Variants in GRM8 observed in about 807,000 individuals in gnomAD.
GRM8 encodes glutamate metabotropic receptor 8, also known as metabotropic glutamate receptor 8.
Under a neutral mutation model 87.2 loss-of-function variants are expected in GRM8, and 47 were observed. The observed-to-expected ratio is 0.54, with a 90% confidence interval of 0.43 to 0.69. The LOEUF (loss-of-function observed/expected upper bound fraction) is 0.69. GRM8 is among the 30% of genes least tolerant of loss of function. The pLI, the probability that GRM8 is intolerant of heterozygous loss-of-function variation, is 0.00. For missense variants in GRM8, 1,019 were observed against 1,139.2 expected, an observed-to-expected ratio of 0.89 and a Z score of 1.52; for synonymous variants, 396 against 404.5, an observed-to-expected ratio of 0.98 and a Z score of 0.25.
intron 9 of GRM8, among the ~76,000 whole-genome samples, chr7:126,449,423 C>T (rs1802377501): frequency 1.3e-5 from 2 of 151,824 alleles, no homozygotes; most frequent in Non-Finnish European, 2.9e-5. Context: ...CTTACAGATA[C>T]AAGATAGCTC....
chr7:126,915,100 A>G (rs1448948773), intron 3 of GRM8, among the ~76,000 whole-genome samples: 5 of 152,012 alleles, frequency 3.3e-5, no homozygotes, highest in African/African-American at 4.8e-5. Flanking sequence ...CTCAGCCACA[A>G]CTCACCACCG....
chr7:126,952,845 G>C (rs995514719), intron 3 of GRM8, among the ~76,000 whole-genome samples: 4 of 152,016 alleles, frequency 2.6e-5, no homozygotes, highest in African/African-American at 9.7e-5. Flanking sequence ...GGAGACTAAG[G>C]AGAAATAACA....
At position 127,072,634 on chromosome 7, in the gene GRM8, C is replaced by CT. The variant is rs34143758; in HGVS notation, c.727+33861dup. 8.9e-3 allele frequency among the ~76,000 whole-genome samples: 1,286 copies of CT among 144,122 alleles called. 9 individuals are homozygous for CT. The highest frequency in any genetic ancestry group is 0.018 in the African/African-American group (726 of 39,992). The allele number at this position is 144,122 out of a possible 152,430, so 94.5% of individuals were successfully genotyped here. ...CTAAATGCTGAACCCTCATATTATA[C>CT]TTTTTTTTTTTTTGCAGCATCTGGC... On this transcript the variant is annotated intron_variant, in intron 3 of 10. Transcript: ENST00000339582.
At position 126,699,986 on chromosome 7, in the gene GRM8, T is replaced by G. The variant is rs972707464; in HGVS notation, c.1357+69879A>C. Among the ~76,000 whole-genome samples the G allele has an allele frequency of 2.1e-4, 32 of 152,174 alleles. 1 individual carries two copies. Among genetic ancestry groups the G allele is most frequent in the Admixed American group, 6.6e-5 (1 of 15,256 alleles). On this transcript the variant is annotated intron_variant, in intron 7 of 10. Transcript: ENST00000339582. ...TCTGTTCAGAGTAAGTAAGCATCACTGCACAGGGAGATGGAGGATGTTAAC... is the reference window on the plus strand; with the variant it reads ...TCTGTTCAGAGTAAGTAAGCATCACGGCACAGGGAGATGGAGGATGTTAAC...
chr7:127,032,431 G>A (rs1395950640), intron 3 of GRM8, among the ~76,000 whole-genome samples: 2 of 151,942 alleles, frequency 1.3e-5, no homozygotes, highest in East Asian at 1.9e-4. Context: ...TTGCCCATCC[G>A]TCCACACCCC....
intron 6 of GRM8, among the ~76,000 whole-genome samples, chr7:126,801,209 T>C (rs1351665842): frequency 2.0e-5 from 3 of 152,152 alleles, no homozygotes; most frequent in Non-Finnish European, 4.4e-5. Flanking sequence ...ATAAGTTGAT[T>C]CCCATTCTCT....
At chr7:126,460,380 T>A (rs1803762205) in intron 9 of GRM8, among the ~76,000 whole-genome samples, 1 of 151,618 alleles carries the variant, frequency 6.6e-6, no homozygotes, top group Non-Finnish European at 1.5e-5. Context: ...ATTCAATTAT[T>A]TGTGGTAATG....
intron 2 of GRM8, among the ~76,000 whole-genome samples, chr7:127,143,909 T>C (rs913271164): frequency 2.0e-5 from 3 of 152,120 alleles, no homozygotes; most frequent in Non-Finnish European, 2.9e-5. Flanking sequence ...GGTATAAATG[T>C]GTGAGTGCTA....
At chr7:126,484,572 C>T (rs73722626) in intron 9 of GRM8, among the ~76,000 whole-genome samples, 10,383 of 152,104 alleles carry the variant, frequency 0.068, 478 homozygotes, top group African/African-American at 0.13. Flanking sequence ...GTAACTACTA[C>T]TTAAATTACT....
chr7:126,945,816 C>T (rs951395873), intron 3 of GRM8, among the ~76,000 whole-genome samples: 2 of 152,150 alleles, frequency 1.3e-5, no homozygotes, highest in Non-Finnish European at 2.9e-5. Context: ...TATATCTCCC[C>T]ATCCCTATGT....
At chr7:126,580,596 A>G (rs1395896745) in intron 8 of GRM8, among the ~76,000 whole-genome samples, 1 of 152,158 alleles carries the variant, frequency 6.6e-6, no homozygotes, top group Non-Finnish European at 1.5e-5. Context: ...AAGCACGAAC[A>G]TTGGCATCAG....
intron 6 of GRM8, among the ~76,000 whole-genome samples, chr7:126,847,545 A>C (rs1194074187): frequency 6.6e-6 from 1 of 152,036 alleles, no homozygotes; most frequent in East Asian, 1.9e-4. Context: ...TGAAGTACCA[A>C]ACAAATAGTA....
chr7:127,009,973 G>A (rs531265692), intron 3 of GRM8, among the ~76,000 whole-genome samples: 1 of 152,042 alleles, frequency 6.6e-6, no homozygotes, highest in African/African-American at 2.4e-5. Flanking sequence ...CTCCCAAGTA[G>A]GTGGGACTAC....
rs574520014 is a variant in GRM8, at chr7:126,546,509, A to T, written c.1495-12622T>A. ...TTAAAATAATCGTCCAAGTGAAGGG[A>T]ATATGGCCCTAGTCAGGGGAGGCCT... On this transcript the variant is annotated intron_variant, in intron 8 of 10. Coordinates refer to ENST00000339582, the MANE Select transcript of GRM8 (RefSeq NM_000845.3). 5.9e-5 allele frequency among the ~76,000 whole-genome samples: 9 copies of T among 152,334 alleles called. No individual in the cohort carries two copies. In the South Asian group the frequency reaches 1.9e-3, roughly 32 times the overall value.
chr7:126,599,600 T>A (rs1332512662), intron 8 of GRM8, among the ~76,000 whole-genome samples: 2 of 152,080 alleles, frequency 1.3e-5, no homozygotes, highest in African/African-American at 2.4e-5. Flanking sequence ...CTATCAGGCA[T>A]CTAACTACTA....
Position 127,106,586 on chromosome 7 carries a change from G to A in GRM8, c.637C>T (p.Leu213=). The A allele has an allele frequency of 6.2e-7, 1 of 1,614,114 alleles. No individual in the cohort carries two copies. Among genetic ancestry groups the A allele is most frequent in the Non-Finnish European group, 8.5e-7 (1 of 1,180,006 alleles). ...AQAMVDIVTA[L]GWNYVSTLAS... ...AGTGTCGAAACATAATTCCATCCCA[G>A]TGCTGTCACGATGTCCACCATGGCT... Residue 213 remains leucine, a synonymous_variant, in exon 3 of 11, where the codon CTG becomes TTG. Coordinates refer to ENST00000339582, the MANE Select transcript of GRM8 (RefSeq NM_000845.3).
chr7:126,806,369 G>A (rs954877694), intron 6 of GRM8, among the ~76,000 whole-genome samples: 7 of 152,216 alleles, frequency 4.6e-5, no homozygotes, highest in East Asian at 3.9e-4. Flanking sequence ...AAGCTGGCAC[G>A]GACACAGAGT....
chr7:126,980,762 C>T (rs777834488), intron 3 of GRM8, among the ~76,000 whole-genome samples: 36 of 152,324 alleles, frequency 2.4e-4, no homozygotes, highest in South Asian at 1.4e-3. Flanking sequence ...GTGGGCCATA[C>T]TAACTAAGCT....
chr7:127,112,053 G>A (rs1354186773), intron 2 of GRM8: 1 of 151,378 alleles, frequency 6.6e-6, no homozygotes, highest in African/African-American at 2.4e-5. Context: ...ATAGATCTTA[G>A]AAAAATCTTG....
Sources: allele counts gnomAD v4.1 joint callset (sites outside exome capture counted in the v4.1 genomes callset), GRCh38; gene constraint gnomAD v4.1.1; transcripts MANE v1.5; gene names NCBI Gene and HGNC (gene_info 2026-07-23, HGNC 2026-07-21).